Variants in FAM110C observed in about 807,000 individuals in gnomAD.
The protein encoded by FAM110C is protein FAM110C.
Under a neutral mutation model 15.7 loss-of-function variants are expected in FAM110C, and 19 were observed. The observed-to-expected ratio is 1.21, with a 90% CI of 0.85 to 1.78. The LOEUF is 1.78. FAM110C is among the 40% of genes most tolerant of loss of function. The pLI is 0.00. For missense variants in FAM110C, 547 were observed against 495.7 expected (o/e 1.10, Z -0.98); for synonymous variants, 275 against 233.9 (o/e 1.18, Z -1.61).
Position 45,864 on chromosome 2 carries a change from G to T in FAM110C, c.522C>A (p.Ser174=). The change falls in exon 1 of 2, where the codon TCC becomes TCA. Residue 174 remains serine, a synonymous_variant. Coordinates refer to ENST00000327669, the MANE Select transcript of FAM110C (RefSeq NM_001077710.3). The stretch of plus-strand genomic sequence containing the variant: ...CGGCCGGGACACTGGAGGGCGCCGC[G>T]GACCGCGCGGCTGGGGCTGGGGTCT... ...IPETPAPAAR[S]AAPSSVPAAP... 2.0e-6 allele frequency: 3 copies of T among 1,498,696 alleles called. No homozygotes were observed. Among genetic ancestry groups the T allele is most frequent in the Middle Eastern group, 2.0e-4 (1 of 5,128 alleles). The allele number at this position is 1,498,696 out of a possible 1,614,324, so 92.8% of individuals were successfully genotyped here.
intron 1 of FAM110C, chr2:41,918 A>C: frequency 1.0e-6 from 1 of 985,398 alleles, no homozygotes; most frequent in Non-Finnish European, 1.2e-6. Context: ...AGTAAAGAAA[A>C]TTTCTTTACA....
In FAM110C at chr2:43,087, G is replaced by C. The variant is rs1175940517; in HGVS notation, c.947-1460C>G. ...GGGGCTAAGGTCATGAGCAGACACT[G>C]TTCCGGTGATCTGGAGAAAGCCCAG... On this transcript the variant is annotated intron_variant, in intron 1 of 1. Coordinates refer to ENST00000327669, the MANE Select transcript of FAM110C (RefSeq NM_001077710.3). The C allele has an allele frequency of 5.1e-6, 5 of 985,376 alleles. No individual in the cohort carries two copies. The Admixed American group carries it at 3.1e-4, about 61-fold the overall frequency. 61.0% of individuals were successfully genotyped at this position (985,376 alleles called of 1,614,324 possible).
chr2:46,392 G>A lies in FAM110C; in HGVS notation c.-7C>T. ...GGGCCGCCAGGGCGCGCATCTTCGC[G>A]GGGAATGGACCGACCGGGGTTCCGG... On this transcript the variant is annotated 5_prime_UTR_variant, in exon 1 of 2. Transcript: ENST00000327669. The A allele has an allele frequency of 3.9e-6, 5 of 1,274,348 alleles. No homozygotes were observed. The highest frequency in any genetic ancestry group is 4.0e-6 in the Non-Finnish European group (4 of 1,012,106). 78.9% of individuals were successfully genotyped at this position (1,274,348 alleles called of 1,614,324 possible).
chr2:45,999 C>T lies in FAM110C; in HGVS notation c.387G>A (p.Gly129=), dbSNP rs921243796. ...GCACCGGCGCCTTGTCCTTACCCGG[C>T]CCCTGGAAGAGCTTCTTCACCAGGC... ...RASLVKKLFQ[G]PGKDKAPVPR... is the part of the protein sequence containing the mutation. Residue 129 remains glycine, a synonymous_variant, in exon 1 of 2, where the codon GGG becomes GGA. Coordinates refer to ENST00000327669, the MANE Select transcript of FAM110C (RefSeq NM_001077710.3). 2 of 1,470,644 alleles carry T rather than the reference C, an allele frequency of 1.4e-6. No homozygotes were observed. The highest frequency in any genetic ancestry group is 1.8e-6 in the Non-Finnish European group (2 of 1,116,912). 91.1% of individuals were successfully genotyped at this position (1,470,644 alleles called of 1,614,324 possible).
At position 45,810 on chromosome 2, in the gene FAM110C, C is replaced by T. The variant is rs1018665532; in HGVS notation, c.576G>A (p.Val192=). The T allele has an allele frequency of 2.6e-6, 4 of 1,548,104 alleles. No individual in the cohort carries two copies. The highest frequency in any genetic ancestry group is 3.5e-6 in the Non-Finnish European group (4 of 1,150,370). ...GTGAGCGCTGCAGCCCCCGACGCCT[C>T]ACCACCCGCGGCTCTGGCCCAGGGG... is the stretch of plus-strand genomic sequence containing the variant. The part of the protein sequence containing the change: ...AAPPGPEPRV[V]RRRGLQRSQS... Residue 192 remains valine (V), a synonymous_variant, in exon 1 of 2, where the codon GTG becomes GTA. Coordinates refer to ENST00000327669, the MANE Select transcript of FAM110C (RefSeq NM_001077710.3).
intron 1 of FAM110C, among the ~76,000 whole-genome samples, chr2:42,597 G>C (rs1043437078): frequency 2.0e-5 from 3 of 152,214 alleles, no homozygotes; most frequent in Middle Eastern, 3.2e-3. Flanking sequence ...GTTCCCCAGA[G>C]GACTTGTGTG....
At chr2:42,887 G>A in intron 1 of FAM110C, 2 of 985,436 alleles carry the variant, frequency 2.0e-6, no homozygotes, top group South Asian at 4.7e-5. Flanking sequence ...AAAAAGCACA[G>A]CTTAAATTCC....
chr2:43,733 A>G (rs949225013), intron 1 of FAM110C: 1 of 985,328 alleles, frequency 1.0e-6, no homozygotes, highest in Non-Finnish European at 1.2e-6. Flanking sequence ...CCTCCCCACT[A>G]TTTATACCAC....
chr2:45,603 G>A lies in FAM110C; in HGVS notation c.783C>T (p.Ser261=), dbSNP rs779095885. Residue 261 remains serine (S), a synonymous_variant, in exon 1 of 2, where the codon TCC becomes TCT. Transcript: ENST00000327669. ...CCTCGTCGTCGCCGCCGCTGTGCCG[G>A]GAGAAGCCGCTGCCGGAGGTGGCGA... is the stretch of plus-strand genomic sequence containing the variant. ...VSVATSGSGF[S]RHSGGDDEGL... The A allele has an allele frequency of 1.2e-6, 2 of 1,612,506 alleles. No individual in the cohort carries two copies. Among genetic ancestry groups the A allele is most frequent in the Admixed American group, 1.7e-5 (1 of 59,998 alleles).
rs1664070751 is a variant in FAM110C at position 39,442 on chromosome 2, C to G, written c.*2166G>C. 6.6e-6 allele frequency: 1 copy of G among 152,158 alleles called. No homozygotes were observed. The highest frequency in any genetic ancestry group is 1.9e-4 in the East Asian group (1 of 5,186). 9.4% of individuals were successfully genotyped at this position (152,158 alleles called of 1,614,324 possible). A position where few individuals can be genotyped will look rare whatever the true frequency, so the allele number is the denominator to read the frequency against. On this transcript the variant is annotated 3_prime_UTR_variant, in exon 2 of 2. Coordinates refer to ENST00000327669, the MANE Select transcript of FAM110C (RefSeq NM_001077710.3). ...CCCTGGCTGAAGAAGGAACTCACCT[C>G]TTACACATACTCAAGATATGGAGCT...
intron 1 of FAM110C, chr2:41,863 T>C (rs1664133847): frequency 3.0e-6 from 3 of 985,432 alleles, no homozygotes; most frequent in Non-Finnish European, 2.4e-6. Flanking sequence ...CAGGCCTTTT[T>C]CTGCGCTTTA....
rs113266168 is a variant in FAM110C at position 44,793 on chromosome 2, G to T, written c.946+647C>A. 9 of 985,264 alleles carry T rather than the reference G, an allele frequency of 9.1e-6. No individual in the cohort carries two copies. The African/African-American group carries it at 1.4e-4, about 15-fold the overall frequency. 61.0% of individuals were successfully genotyped at this position (985,264 alleles called of 1,614,324 possible). On this transcript the variant is annotated intron_variant, in intron 1 of 1. Coordinates refer to ENST00000327669, the MANE Select transcript of FAM110C (RefSeq NM_001077710.3). ...GTTACAATCTAGTCCAATTTCCCCAGTTTAAAAACCTGAAGCTCTCAAAAC... is the reference window on the plus strand; with the variant it reads ...GTTACAATCTAGTCCAATTTCCCCATTTTAAAAACCTGAAGCTCTCAAAAC...
intron 1 of FAM110C, chr2:44,765 C>G (rs1221731387): frequency 1.0e-5 from 10 of 985,266 alleles, no homozygotes; most frequent in Non-Finnish European, 1.1e-5. Context: ...ACTATAGACT[C>G]TAGTTACAAT....
In FAM110C at chr2:45,799, C is replaced by A; in HGVS notation, c.587G>T (p.Gly196Val). 6.4e-7 allele frequency: 1 copy of A among 1,553,388 alleles called. No individual in the cohort carries two copies. Among genetic ancestry groups the A allele is most frequent in the East Asian group, 2.4e-5 (1 of 41,670 alleles). ...GPEPRVVRRRGLQRSQSDLSS... is the reference protein window; with the variant it reads ...GPEPRVVRRRVLQRSQSDLSS... ...GAGGTCCGACTGTGAGCGCTGCAGC[C>A]CCCGACGCCTCACCACCCGCGGCTC... is the stretch of plus-strand genomic sequence containing the variant. The change falls in exon 1 of 2, where the codon GGG becomes GTG. Residue 196 changes from glycine (G) to valine (V), a missense_variant. Coordinates refer to ENST00000327669, the MANE Select transcript of FAM110C (RefSeq NM_001077710.3).
Position 41,509 on chromosome 2 carries a change from G to T in FAM110C, c.*99C>A. The T allele has an allele frequency of 7.4e-7, 1 of 1,360,476 alleles. No homozygotes were observed. Among genetic ancestry groups the T allele is most frequent in the Non-Finnish European group, 1.0e-6 (1 of 971,384 alleles). The allele number at this position is 1,360,476 out of a possible 1,614,324, so 84.3% of individuals were successfully genotyped here. A position where few individuals can be genotyped will look rare whatever the true frequency, so the allele number is the denominator to read the frequency against. ...GCACTTGTTTTGTCAATGGGATGCT[G>T]CATTCCTGGTAAAACAGCAATCATG... On this transcript the variant is annotated 3_prime_UTR_variant, in exon 2 of 2. Transcript: ENST00000327669.
Position 45,777 on chromosome 2 carries a change from G to T in FAM110C, c.609C>A (p.Asp203Glu). 6.4e-7 allele frequency: 1 copy of T among 1,570,336 alleles called. No individual in the cohort carries two copies. The highest frequency in any genetic ancestry group is 8.6e-7 in the Non-Finnish European group (1 of 1,160,752). ...AGGCAGCGGAATAGCGGGAGCTGAG[G>T]TCCGACTGTGAGCGCTGCAGCCCCC... ...RRRGLQRSQS[D>E]LSSRYSAALA... Residue 203 changes from aspartate (D) to glutamate (E), a missense_variant, in exon 1 of 2, where the codon GAC (aspartate) becomes GAA (glutamate). Coordinates refer to ENST00000327669, the MANE Select transcript of FAM110C (RefSeq NM_001077710.3).
chr2:44,541 G>A lies in FAM110C; in HGVS notation c.946+899C>T, dbSNP rs979629497. On this transcript the variant is annotated intron_variant, in intron 1 of 1. Coordinates refer to ENST00000327669, the MANE Select transcript of FAM110C (RefSeq NM_001077710.3). Reference sequence around the variant, plus strand: ...TGAAGGGTAAGAGGAAAAAAAAGATGTCGCAAAGTTTAAATTGTTCGTTCT... The same window carrying A: ...TGAAGGGTAAGAGGAAAAAAAAGATATCGCAAAGTTTAAATTGTTCGTTCT... The A allele has an allele frequency of 1.6e-5, 16 of 985,276 alleles. No homozygotes were observed. In the African/African-American group the frequency reaches 2.8e-4, roughly 17 times the overall value. 61.0% of individuals were successfully genotyped at this position (985,276 alleles called of 1,614,324 possible).
chr2:42,173 A>G (rs1238016139), intron 1 of FAM110C: 3 of 985,318 alleles, frequency 3.0e-6, no homozygotes, highest in African/African-American at 1.7e-5. Flanking sequence ...AGAAAGGAAA[A>G]GAAAGCTGGA....
intron 1 of FAM110C, chr2:43,622 C>T (rs910674995): frequency 1.1e-5 from 11 of 985,254 alleles, no homozygotes; most frequent in Admixed American, 1.2e-4. Flanking sequence ...TTGGCTAATT[C>T]GAGATGGGAA....
Sources: allele counts gnomAD v4.1 joint callset (sites outside exome capture counted in the v4.1 genomes callset), GRCh38; gene constraint gnomAD v4.1.1; transcripts MANE v1.5; gene names NCBI Gene and HGNC (gene_info 2026-07-23, HGNC 2026-07-21).